The following CUX1 variants were observed in gnomAD, a reference collection of about 807,000 sequenced individuals.
CUX1 encodes the protein protein CASP.
In CUX1, 31 loss-of-function variants were observed where a neutral mutation model predicts 158.8. That is an observed-to-expected ratio of 0.20 (90% CI 0.15 to 0.26). The LOEUF is 0.26. CUX1 is among the 10% of genes least tolerant of loss of function. CUX1 has a pLI of 1.00. For missense variants in CUX1, 1,589 were observed against 2,014.6 expected (o/e 0.79, Z 4.04); for synonymous variants, 879 against 862.1 (o/e 1.02, Z -0.34).
chr7:101,900,599 C>G (rs1170221196), intron 1 of CUX1, among the ~76,000 whole-genome samples: 1 of 152,130 alleles, frequency 6.6e-6, no homozygotes, highest in African/African-American at 2.4e-5. Context: ...TGGTTTTTTC[C>G]CAGGAGCCAG....
chr7:102,253,229 A>G lies in CUX1; in HGVS notation c.*4187A>G. The stretch of plus-strand genomic sequence containing the variant: ...AGAGTGCAGCAGAGCTCTGGGTTAA[A>G]TATTCCTTTCTGGCCACCGCCCAAG... On this transcript the variant is annotated 3_prime_UTR_variant, in exon 24 of 24. Transcript: ENST00000292535. The G allele has an allele frequency of 2.0e-6, 2 of 985,464 alleles. No individual in the cohort carries two copies. The highest frequency in any genetic ancestry group is 2.4e-6 in the Non-Finnish European group (2 of 829,970). The allele number at this position is 985,464 out of a possible 1,614,324, so 61.0% of individuals were successfully genotyped here.
chr7:101,857,476 G>A (rs1203920417), intron 1 of CUX1, among the ~76,000 whole-genome samples: 1 of 152,192 alleles, frequency 6.6e-6, no homozygotes, highest in East Asian at 1.9e-4. Context: ...GAGGACTGTA[G>A]GCCTCCGAAG....
intron 2 of CUX1, among the ~76,000 whole-genome samples, chr7:102,009,255 T>C (rs1817719114): frequency 6.6e-6 from 1 of 152,146 alleles, no homozygotes; most frequent in Admixed American, 6.5e-5. Flanking sequence ...TTTGGAAGCA[T>C]CTAGAAGCAA....
chr7:102,172,130 G>T (rs145927124), intron 10 of CUX1, among the ~76,000 whole-genome samples: 7 of 152,152 alleles, frequency 4.6e-5, no homozygotes, highest in African/African-American at 1.2e-4. Flanking sequence ...CTGTCGCCCA[G>T]GCTGGAGTGT....
At chr7:101,888,433 C>T (rs963678092) in intron 1 of CUX1, among the ~76,000 whole-genome samples, 2 of 152,172 alleles carry the variant, frequency 1.3e-5, no homozygotes, top group African/African-American at 2.4e-5. Context: ...CAGACTTGTT[C>T]GTAGATTTAT....
chr7:102,254,037 C>CA lies in CUX1; in HGVS notation c.*4996dup. ...GCAGAAAAGCTGCCAGCGCAGCAGACACGAACATCCCTCTGCCTGGTGGGC... is the reference window on the plus strand; with the variant it reads ...GCAGAAAAGCTGCCAGCGCAGCAGACAACGAACATCCCTCTGCCTGGTGGGC... On this transcript the variant is annotated 3_prime_UTR_variant, in exon 24 of 24. Transcript: ENST00000292535. 6.1e-6 allele frequency: 6 copies of CA among 985,502 alleles called. No homozygotes were observed. In the Middle Eastern group the frequency reaches 2.1e-3, roughly 343 times the overall value. 61.0% of individuals were successfully genotyped at this position (985,502 alleles called of 1,614,324 possible).
intron 1 of CUX1, among the ~76,000 whole-genome samples, chr7:101,858,015 C>T (rs914009705): frequency 1.3e-5 from 2 of 152,094 alleles, no homozygotes; most frequent in Non-Finnish European, 2.9e-5. Flanking sequence ...CCCAGCTCCT[C>T]GGGAGGCTGA....
At chr7:102,281,733 C>T in intron 20 of CUX1, 1 of 749,374 alleles carries the variant, frequency 1.3e-6, no homozygotes, top group Non-Finnish European at 2.4e-6. Flanking sequence ...AGCTTCCTGT[C>T]CCTTCCCTCC....
intron 1 of CUX1, among the ~76,000 whole-genome samples, chr7:101,875,689 C>T (rs1475977021): frequency 2.6e-5 from 4 of 152,228 alleles, no homozygotes; most frequent in African/African-American, 9.6e-5. Context: ...CCCCTCCCCA[C>T]AGTGCCCACG....
chr7:102,239,247 G>A (rs1001538503), intron 22 of CUX1, 73 bp from the exon 23 acceptor site: 108 of 1,515,266 alleles, frequency 7.1e-5, no homozygotes, highest in Non-Finnish European at 8.8e-5. Context: ...GTGCCGTCCC[G>A]CTAGCGGGAC....
At chr7:101,980,096 C>T (rs566532079) in intron 2 of CUX1, among the ~76,000 whole-genome samples, 2 of 152,318 alleles carry the variant, frequency 1.3e-5, no homozygotes, top group East Asian at 1.9e-4. Flanking sequence ...CAGCCAGCAC[C>T]GGGCTTAGGG....
chr7:101,891,156 C>A (rs1800837862), intron 1 of CUX1, among the ~76,000 whole-genome samples: 1 of 152,140 alleles, frequency 6.6e-6, no homozygotes, highest in Non-Finnish European at 1.5e-5. Context: ...ATTTGGGACT[C>A]TAATTCAGTG....
At chr7:101,838,205 C>A (rs1012944033) in intron 1 of CUX1, among the ~76,000 whole-genome samples, 12 of 151,536 alleles carry the variant, frequency 7.9e-5, no homozygotes, top group South Asian at 4.2e-4. Flanking sequence ...TCTCGGCTCA[C>A]TGCAACCTAC....
intron 4 of CUX1, among the ~76,000 whole-genome samples, chr7:102,090,677 G>A (rs1484237452): frequency 5.6e-5 from 8 of 141,966 alleles, no homozygotes; most frequent in African/African-American, 1.9e-4. Context: ...GTGAGCCACC[G>A]CACCCCGCCT....
intron 3 of CUX1, among the ~76,000 whole-genome samples, chr7:102,043,016 C>T (rs1822298391): frequency 6.6e-6 from 1 of 152,204 alleles, no homozygotes; most frequent in Non-Finnish European, 1.5e-5. Context: ...TCTTGAACTC[C>T]AGCAGCACAG....
intron 8 of CUX1, among the ~76,000 whole-genome samples, chr7:102,155,931 A>G (rs4729774): frequency 2.0e-5 from 3 of 152,356 alleles, no homozygotes; most frequent in South Asian, 4.1e-4. Flanking sequence ...TGCCTTCTTC[A>G]TGAAATCGTC....
At chr7:102,085,014 G>C (rs1393152186) in intron 4 of CUX1, among the ~76,000 whole-genome samples, 4 of 151,622 alleles carry the variant, frequency 2.6e-5, no homozygotes, top group Admixed American at 2.6e-4. Flanking sequence ...TTTTTTTGTA[G>C]TTGCCGTTTA....
chr7:102,183,645 G>T (rs1445890679), intron 11 of CUX1, among the ~76,000 whole-genome samples: 5 of 152,194 alleles, frequency 3.3e-5, no homozygotes, highest in Non-Finnish European at 7.4e-5. Flanking sequence ...GTCAGCTAAG[G>T]GTCTGTGCCT....
At chr7:102,174,975 TAGAG>T (rs1792148925) in intron 10 of CUX1, among the ~76,000 whole-genome samples, 2 of 152,098 alleles carry the variant, frequency 1.3e-5, no homozygotes, top group Admixed American at 6.5e-5. Flanking sequence ...AAAAAACAGA[TAGAG>T]GGAGGATGGT....
Sources: allele counts gnomAD v4.1 joint callset (sites outside exome capture counted in the v4.1 genomes callset), GRCh38; gene constraint gnomAD v4.1.1; transcripts MANE v1.5; gene names NCBI Gene and HGNC (gene_info 2026-07-23, HGNC 2026-07-21).